The following GAP43 variants were observed in gnomAD, a reference collection of about 807,000 sequenced individuals.
GAP43 encodes the protein neuromodulin.
In GAP43, 6 loss-of-function variants were observed where a neutral mutation model predicts 18.6. The observed-to-expected ratio is 0.32, with a 90% confidence interval of 0.18 to 0.64. The LOEUF is 0.64. Ranked by LOEUF, GAP43 falls within the 30% of genes least tolerant of loss-of-function variation. The pLI is 0.78. For missense variants in GAP43, 292 were observed against 295.5 expected (o/e 0.99, Z 0.09); for synonymous variants, 115 against 111.4 (o/e 1.03, Z -0.20).
At chr3:115,681,794 TGTA>T (rs1478282277) in intron 2 of GAP43, among the ~76,000 whole-genome samples, 1 of 152,188 alleles carries the variant, frequency 6.6e-6, no homozygotes, top group African/African-American at 2.4e-5. Flanking sequence ...GTGGTAGTAA[TGTA>T]GTAGTGTAAT....
intron 2 of GAP43, among the ~76,000 whole-genome samples, chr3:115,678,708 A>T (rs193146783): frequency 4.0e-4 from 61 of 152,252 alleles, no homozygotes; most frequent in Non-Finnish European, 7.4e-4. Context: ...ACAGATTCTG[A>T]CAGAAAAATA....
At chr3:115,706,056 C>T (rs182362620) in intron 2 of GAP43, among the ~76,000 whole-genome samples, 11 of 152,162 alleles carry the variant, frequency 7.2e-5, no homozygotes, top group South Asian at 2.1e-4. Context: ...CGCCCAGAAA[C>T]GAGAGTGTTT....
intron 1 of GAP43, among the ~76,000 whole-genome samples, chr3:115,672,522 A>T (rs1379900466): frequency 6.6e-6 from 1 of 152,190 alleles, no homozygotes; most frequent in Non-Finnish European, 1.5e-5. Flanking sequence ...CCTGCAGTTT[A>T]AGGAATATTA....
At chr3:115,685,979 C>T (rs906492603) in intron 2 of GAP43, among the ~76,000 whole-genome samples, 12 of 152,196 alleles carry the variant, frequency 7.9e-5, no homozygotes, top group Admixed American at 6.5e-4. Flanking sequence ...TGCTGGTAAA[C>T]TGGCTCTCCA....
chr3:115,708,822 G>T (rs1054479296), intron 2 of GAP43, among the ~76,000 whole-genome samples: 1 of 152,086 alleles, frequency 6.6e-6, no homozygotes, highest in Non-Finnish European at 1.5e-5. Context: ...TCTGAGAGGG[G>T]CACCAACAGC....
At chr3:115,702,154 T>C (rs1192743629) in intron 2 of GAP43, among the ~76,000 whole-genome samples, 1 of 152,136 alleles carries the variant, frequency 6.6e-6, no homozygotes, top group African/African-American at 2.4e-5. Context: ...AGTAAGAATT[T>C]GGAATTTAAG....
chr3:115,689,996 G>A (rs983535264), intron 2 of GAP43, among the ~76,000 whole-genome samples: 1 of 152,234 alleles, frequency 6.6e-6, no homozygotes, highest in African/African-American at 2.4e-5. Context: ...AGAGACAGCC[G>A]TGGTTTTCTT....
At chr3:115,651,257 G>A (rs1222260951) in intron 1 of GAP43, among the ~76,000 whole-genome samples, 6 of 152,200 alleles carry the variant, frequency 3.9e-5, no homozygotes, top group Admixed American at 3.9e-4. Flanking sequence ...GTGGGGTTCT[G>A]CAACATTATG....
intron 1 of GAP43, among the ~76,000 whole-genome samples, chr3:115,626,863 T>A (rs2107462832): frequency 6.6e-6 from 1 of 152,276 alleles, no homozygotes; most frequent in Middle Eastern, 3.4e-3. Flanking sequence ...TCTCTGCCTT[T>A]CCTTGCAGTG....
intron 2 of GAP43, among the ~76,000 whole-genome samples, chr3:115,678,561 A>T (rs1708921888): frequency 6.6e-6 from 1 of 151,628 alleles, no homozygotes; most frequent in South Asian, 2.1e-4. Context: ...TAAATTGATG[A>T]AATTTAAATT....
intron 2 of GAP43, among the ~76,000 whole-genome samples, chr3:115,713,107 A>C (rs1346050414): frequency 2.6e-5 from 4 of 152,214 alleles, no homozygotes; most frequent in African/African-American, 9.6e-5. Context: ...CATCTGGTAT[A>C]TAGCTAAAGA....
At position 115,717,214 on chromosome 3, in the gene GAP43, G is replaced by A. The variant is rs112931408; in HGVS notation, c.629-3580G>A. ...ACATGGGATTCAAGGTTGAGCTGAA[G>A]TAGGTACTGCTGTTACCCTTGAAGA... is the stretch of plus-strand genomic sequence containing the variant. On this transcript the variant is annotated intron_variant, in intron 2 of 2. Transcript: ENST00000305124. Among the ~76,000 whole-genome samples the A allele has an allele frequency of 4.4e-3, 677 of 152,218 alleles. 3 individuals are homozygous for A. Among genetic ancestry groups the A allele is most frequent in the African/African-American group, 0.014 (594 of 41,564 alleles).
At chr3:115,675,929 T>G (rs1219349507) in intron 1 of GAP43, 84 bp from the exon 2 acceptor site, 1 of 1,517,998 alleles carries the variant, frequency 6.6e-7, no homozygotes, top group Non-Finnish European at 8.8e-7. Context: ...AATAAATCAC[T>G]TAATAAATAC....
At chr3:115,662,161 AT>A (rs1708670099) in intron 1 of GAP43, among the ~76,000 whole-genome samples, 1 of 152,196 alleles carries the variant, frequency 6.6e-6, no homozygotes, top group Admixed American at 6.5e-5. Flanking sequence ...ACCTTAAAAT[AT>A]GAGAATAGTA....
In GAP43 at chr3:115,676,356, C is replaced by G. The variant is rs750477650; in HGVS notation, c.374C>G (p.Pro125Arg). 16 of 1,613,952 alleles carry G rather than the reference C, an allele frequency of 9.9e-6. No homozygotes were observed. In the Admixed American group the frequency reaches 2.5e-4, roughly 25 times the overall value. ...GATGCTGCCACAGAGCAGGCAGCCC[C>G]CCAGGCTCCTGCATCCTCAGAGGAG... ...EGDAATEQAA[P>R]QAPASSEEKA... Residue 125 changes from proline to arginine, a missense_variant, in exon 2 of 3, where the codon CCC becomes CGC. Physicochemically the swap from Pro to Arg is moderately radical, Grantham distance 103 (BLOSUM62 -2). Transcript: ENST00000305124.
intron 2 of GAP43, among the ~76,000 whole-genome samples, chr3:115,713,964 C>A (rs982310769): frequency 6.6e-6 from 1 of 152,186 alleles, no homozygotes; most frequent in Non-Finnish European, 1.5e-5. Flanking sequence ...GAATTACGCT[C>A]CTTAGGGCTG....
At chr3:115,696,947 C>T (rs1259967163) in intron 2 of GAP43, among the ~76,000 whole-genome samples, 1 of 152,028 alleles carries the variant, frequency 6.6e-6, no homozygotes, top group African/African-American at 2.4e-5. Context: ...ATTCTCCTGC[C>T]TTAGCCTCCT....
chr3:115,675,003 A>G (rs1708862274), intron 1 of GAP43, among the ~76,000 whole-genome samples: 1 of 152,130 alleles, frequency 6.6e-6, no homozygotes, highest in Admixed American at 6.5e-5. Flanking sequence ...AACCCTGTAA[A>G]CCCTCTATCT....
At chr3:115,659,504 A>C (rs184620537) in intron 1 of GAP43, among the ~76,000 whole-genome samples, 27 of 152,264 alleles carry the variant, frequency 1.8e-4, no homozygotes, top group African/African-American at 6.3e-4. Context: ...GCATTTGTTC[A>C]TTCATTCAAT....
Sources: gnomAD v4.1 joint callset for allele counts (sites outside exome capture counted in the v4.1 genomes callset) on GRCh38, gnomAD v4.1.1 for gene constraint, MANE v1.5 for transcripts, NCBI Gene and HGNC (gene_info 2026-07-23, HGNC 2026-07-21) for gene names.